Variants in DNAJC6 observed in about 807,000 individuals in gnomAD.
DNAJC6 encodes the protein auxilin.
DNAJC6 carries 34 observed loss-of-function variants against 110.0 expected under a neutral mutation model. The observed-to-expected ratio is 0.31, with a 90% CI of 0.24 to 0.41. DNAJC6 has a LOEUF of 0.41. Among genes scored for constraint, DNAJC6 ranks in the 10% least tolerant of loss-of-function variants. DNAJC6 has a pLI of 1.00. For missense variants in DNAJC6, 1,031 were observed against 1,207.8 expected (o/e 0.85, Z 2.17); for synonymous variants, 406 against 437.2 (o/e 0.93, Z 0.89).
At chr1:65,278,464 G>A (rs562841101) in intron 1 of DNAJC6, among the ~76,000 whole-genome samples, 1 of 152,144 alleles carries the variant, frequency 6.6e-6, no homozygotes, top group African/African-American at 2.4e-5. Flanking sequence ...TTTCAGATAT[G>A]TTCCCCAACT....
chr1:65,389,872 G>A (rs185063878), intron 11 of DNAJC6, among the ~76,000 whole-genome samples: 11 of 152,120 alleles, frequency 7.2e-5, no homozygotes, highest in Admixed American at 7.2e-4. Context: ...AATTAGGTGG[G>A]AGTGGTGGCA....
chr1:65,339,176 T>G (rs945000507), intron 1 of DNAJC6, among the ~76,000 whole-genome samples: 5 of 152,066 alleles, frequency 3.3e-5, no homozygotes, highest in Middle Eastern at 3.2e-3. Context: ...GGTGTAATGT[T>G]GGGTTCTTAA....
At chr1:65,301,831 G>T (rs990609647) in intron 1 of DNAJC6, among the ~76,000 whole-genome samples, 1 of 151,868 alleles carries the variant, frequency 6.6e-6, no homozygotes, top group South Asian at 2.1e-4. Context: ...ACCCAATAAG[G>T]CCTGTTTAGA....
intron 1 of DNAJC6, among the ~76,000 whole-genome samples, chr1:65,363,379 G>A (rs1645615786): frequency 6.6e-6 from 1 of 151,946 alleles, no homozygotes; most frequent in African/African-American, 2.4e-5. Context: ...CAACCTTGCT[G>A]ATTGCTATGG....
chr1:65,331,211 T>C (rs1289645786), intron 1 of DNAJC6, among the ~76,000 whole-genome samples: 1 of 152,218 alleles, frequency 6.6e-6, no homozygotes, highest in Non-Finnish European at 1.5e-5. Context: ...TCCTGGTTGG[T>C]TCTTTGTAGC....
intron 15 of DNAJC6, among the ~76,000 whole-genome samples, chr1:65,405,504 G>C (rs1646067245): frequency 6.6e-6 from 1 of 152,094 alleles, no homozygotes; most frequent in African/African-American, 2.4e-5. Context: ...TCAGAAGATG[G>C]AAGGGTGGGG....
intron 1 of DNAJC6, among the ~76,000 whole-genome samples, chr1:65,332,114 C>A (rs1459590453): frequency 6.6e-6 from 1 of 152,236 alleles, no homozygotes; most frequent in Non-Finnish European, 1.5e-5. Flanking sequence ...TTTCTGGACT[C>A]TTTTTTGCTT....
intron 16 of DNAJC6, among the ~76,000 whole-genome samples, chr1:65,406,861 A>T (rs973364352): frequency 2.0e-5 from 3 of 152,234 alleles, no homozygotes; most frequent in African/African-American, 7.2e-5. Context: ...GTACATAGGA[A>T]CATGGTGAGG....
At chr1:65,335,587 G>A (rs1645328694) in intron 1 of DNAJC6, among the ~76,000 whole-genome samples, 1 of 152,186 alleles carries the variant, frequency 6.6e-6, no homozygotes, top group African/African-American at 2.4e-5. Context: ...TATAGGAAGT[G>A]AGGAGGGAAG....
chr1:65,322,679 C>T (rs1336333280), intron 1 of DNAJC6, among the ~76,000 whole-genome samples: 1 of 152,160 alleles, frequency 6.6e-6, no homozygotes, highest in Admixed American at 6.5e-5. Context: ...ATAGATCCTG[C>T]ATTGTTGCTA....
At chr1:65,267,116 C>T (rs898259383) in intron 1 of DNAJC6, among the ~76,000 whole-genome samples, 12 of 152,124 alleles carry the variant, frequency 7.9e-5, no homozygotes, top group East Asian at 1.9e-4. Context: ...AGGCTGGTCT[C>T]GAACTCCTGA....
Position 65,392,790 on chromosome 1 carries a change from C to A in DNAJC6, c.1828C>A (p.Pro610Thr), listed in dbSNP as rs1483169335. Residue 610 changes from proline to threonine, a missense_variant, in exon 12 of 19, where the codon CCT becomes ACT. Transcript: ENST00000371069. ...GGAAGATGTGTTTCATCCTAGTGGA[C>A]CTGCGTCTACCCAGTCAACACCACG... is the stretch of plus-strand genomic sequence containing the variant. ...GVEDVFHPSG[P>T]ASTQSTPRRS... 1.3e-5 allele frequency: 21 copies of A among 1,604,698 alleles called. No individual in the cohort carries two copies. Among genetic ancestry groups the A allele is most frequent in the Non-Finnish European group, 1.7e-5 (20 of 1,175,590 alleles).
At position 65,406,057 on chromosome 1, in the gene DNAJC6, C is replaced by T. The variant is rs768119685; in HGVS notation, c.2415C>T (p.Asn805=). 6.8e-6 allele frequency: 11 copies of T among 1,614,192 alleles called. No individual in the cohort carries two copies. The South Asian group carries it at 1.2e-4, about 18-fold the overall frequency. ...GCATGCCCCACTCCTCTCCCCAGAA[C>T]CGACCCAACTACAACGTGAGCTTCT... ...QPSMPHSSPQ[N]RPNYNVSFSA... Residue 805 remains asparagine (N), a synonymous_variant, in exon 16 of 19, where the codon AAC becomes AAT. Transcript: ENST00000371069.
At chr1:65,387,980 C>T (rs1307927000) in intron 8 of DNAJC6, among the ~76,000 whole-genome samples, 1 of 152,104 alleles carries the variant, frequency 6.6e-6, no homozygotes, top group African/African-American at 2.4e-5. Context: ...CCAGCAGTGG[C>T]CTAGAAAGGC....
At chr1:65,407,808 G>C (rs1646091560) in intron 16 of DNAJC6, among the ~76,000 whole-genome samples, 1 of 152,176 alleles carries the variant, frequency 6.6e-6, no homozygotes, top group South Asian at 2.1e-4. Context: ...TGCAAAAACA[G>C]GTATGTGTAT....
chr1:65,350,373 C>T (rs1645479552), intron 1 of DNAJC6, among the ~76,000 whole-genome samples: 1 of 152,158 alleles, frequency 6.6e-6, no homozygotes, highest in Non-Finnish European at 1.5e-5. Context: ...GCTGGTAGCT[C>T]ATTAGACTAC....
rs564082893 is a variant in DNAJC6, at chr1:65,332,050, G to T, written c.193+22112G>T. Among the ~76,000 whole-genome samples, 173 of 152,294 alleles carry T rather than the reference G, an allele frequency of 1.1e-3. 2 individuals are homozygous for T. The highest frequency in any genetic ancestry group is 5.3e-3 in the Admixed American group (81 of 15,296). On this transcript the variant is annotated intron_variant, in intron 1 of 18. Coordinates refer to ENST00000371069, the MANE Select transcript of DNAJC6 (RefSeq NM_001256864.2). ...CAGCATGTCCTGGGACCTGGGACCTGGTTCCAGGCCTGAGTTTGCCAGCTT... is the reference window on the plus strand; with the variant it reads ...CAGCATGTCCTGGGACCTGGGACCTTGTTCCAGGCCTGAGTTTGCCAGCTT...
At chr1:65,338,845 G>A (rs1645362011) in intron 1 of DNAJC6, among the ~76,000 whole-genome samples, 2 of 152,184 alleles carry the variant, frequency 1.3e-5, no homozygotes, top group Admixed American at 1.3e-4. Flanking sequence ...GCCCAGGTAT[G>A]ACATGATTGA....
rs1348841031 is a variant in DNAJC6 at position 65,414,293 on chromosome 1, G to C, written c.*1268G>C. On this transcript the variant is annotated 3_prime_UTR_variant, in exon 19 of 19. Coordinates refer to ENST00000371069, the MANE Select transcript of DNAJC6 (RefSeq NM_001256864.2). ...CTGGATTCAGATCAGTGTGTTGGCT[G>C]GTTCTCATTTTAAGGGGTAAGCAGT... 1 of 152,456 alleles carries C rather than the reference G, an allele frequency of 6.6e-6. No homozygotes were observed. Among genetic ancestry groups the C allele is most frequent in the African/African-American group, 2.4e-5 (1 of 41,422 alleles). The allele number at this position is 152,456 out of a possible 1,614,324, so 9.4% of individuals were successfully genotyped here. A position where few individuals can be genotyped will look rare whatever the true frequency, so the allele number is the denominator to read the frequency against.
Sources: gnomAD v4.1 joint callset for allele counts (sites outside exome capture counted in the v4.1 genomes callset) on GRCh38, gnomAD v4.1.1 for gene constraint, MANE v1.5 for transcripts, NCBI Gene and HGNC (gene_info 2026-07-23, HGNC 2026-07-21) for gene names.